ABCG8: variants seen among roughly 807,000 people sequenced by gnomAD.
ABCG8 encodes ATP binding cassette subfamily G member 8.
A neutral mutation model predicts 71.3 loss-of-function variants in ABCG8; 81 were observed. That is an observed-to-expected ratio of 1.14 (90% CI 0.95 to 1.37). The LOEUF is 1.37. Among genes scored for constraint, ABCG8 ranks in the 40% most tolerant of loss-of-function variants. The probability of loss-of-function intolerance (pLI) is 0.00; values close to 1 mark genes in which losing one functional copy is unlikely to be tolerated. For missense variants in ABCG8, 1,119 were observed against 866.2 expected (o/e 1.29, Z -3.66); for synonymous variants, 451 against 354.7 (o/e 1.27, Z -3.05).
rs145754381 is a variant in ABCG8, at chr2:43,875,307, G to A, written c.1650G>A (p.Ala550=). 6.3e-5 allele frequency: 102 copies of A among 1,614,126 alleles called. No homozygotes were observed. The highest frequency in any genetic ancestry group is 1.6e-4 in the Middle Eastern group (1 of 6,062). Residue 550 remains alanine (A), a synonymous_variant, in exon 11 of 13, where the codon GCG becomes GCA. Transcript: ENST00000272286. The stretch of plus-strand genomic sequence containing the variant: ...GCAGGATTATGGCCCTGGCCGCCGC[G>A]GCCCTGCTCCCCACCTTCCACATGG... ...FCCRIMALAA[A]ALLPTFHMAS... is the part of the protein sequence containing the mutation.
chr2:43,839,938 C>T (rs1368760782), intron 1 of ABCG8, among the ~76,000 whole-genome samples: 1 of 152,194 alleles, frequency 6.6e-6, no homozygotes, highest in Non-Finnish European at 1.5e-5. Flanking sequence ...GGAGTAGAAG[C>T]AGCCAGGTGG....
rs150652895 is a variant in ABCG8 at position 43,873,457 on chromosome 2, G to T, written c.1212-330G>T. ...TCCACCTGCCTCAGCCTCCCAAAAT[G>T]CTGGGATTACAAGCGTGAGCCACCA... On this transcript the variant is annotated intron_variant, in intron 8 of 12. Transcript: ENST00000272286. Among the ~76,000 whole-genome samples, 1,355 of 152,238 alleles carry T rather than the reference G, an allele frequency of 8.9e-3. 21 individuals carry two copies. Among genetic ancestry groups the T allele is most frequent in the African/African-American group, 0.031 (1,288 of 41,530 alleles).
In ABCG8 at chr2:43,844,604, A is replaced by G. The variant is rs4148211; in HGVS notation, c.161A>G (p.Tyr54Cys). The G allele has an allele frequency of 0.4, 647,654 of 1,609,778 alleles. 138,441 individuals are homozygous for G. Among genetic ancestry groups the G allele is most frequent in the East Asian group, 0.85 (38,147 of 44,806 alleles). Reference protein sequence around the residue: ...PNTLEVRDLNYQVDLASQVPW... With the variant: ...PNTLEVRDLNCQVDLASQVPW... The stretch of plus-strand genomic sequence containing the variant: ...ACCCTGGAGGTCAGAGACCTCAACT[A>G]CCAGGTAGAGGCACGCCTGGGTTCA... Residue 54 changes from tyrosine to cysteine, a missense_variant, in exon 2 of 13, where the codon TAC becomes TGC. Coordinates refer to ENST00000272286, the MANE Select transcript of ABCG8 (RefSeq NM_022437.3).
chr2:43,860,099 A>T (rs1295111639), intron 6 of ABCG8, among the ~76,000 whole-genome samples: 2 of 136,892 alleles, frequency 1.5e-5, no homozygotes, highest in African/African-American at 5.6e-5. Flanking sequence ...AACTCTGAGT[A>T]TCTGGATAGA....
intron 6 of ABCG8, among the ~76,000 whole-genome samples, chr2:43,869,408 T>C (rs1669672995): frequency 6.6e-6 from 1 of 152,166 alleles, no homozygotes; most frequent in Non-Finnish European, 1.5e-5. Flanking sequence ...TCTTACTGTC[T>C]ATCTGAATAG....
intron 6 of ABCG8, among the ~76,000 whole-genome samples, chr2:43,861,087 A>T (rs1276176644): frequency 6.6e-6 from 1 of 150,900 alleles, no homozygotes; most frequent in East Asian, 2.0e-4. Flanking sequence ...TATGGAAATA[A>T]CTCTCACCAT....
intron 6 of ABCG8, among the ~76,000 whole-genome samples, chr2:43,863,056 T>C (rs920914439): frequency 9.5e-5 from 14 of 147,622 alleles, no homozygotes; most frequent in African/African-American, 3.5e-4. Context: ...GGTAGAACTC[T>C]TACTATCTAT....
intron 6 of ABCG8, among the ~76,000 whole-genome samples, chr2:43,871,162 A>C (rs78865634): frequency 6.9e-6 from 1 of 145,612 alleles, no homozygotes; most frequent in Non-Finnish European, 1.5e-5. Context: ...AACTGTCACT[A>C]TCTATCTGGA....
intron 6 of ABCG8, among the ~76,000 whole-genome samples, chr2:43,861,443 C>A (rs555822760): frequency 6.9e-6 from 1 of 145,100 alleles, no homozygotes; most frequent in South Asian, 2.3e-4. Flanking sequence ...ACTATCAATG[C>A]GGATAGAATT....
At chr2:43,842,199 G>A (rs556305889) in intron 1 of ABCG8, among the ~76,000 whole-genome samples, 1 of 152,078 alleles carries the variant, frequency 6.6e-6, no homozygotes, top group Non-Finnish European at 1.5e-5. Flanking sequence ...TTTTAGTAGA[G>A]ACAGGGTTTC....
chr2:43,839,700 G>T (rs775681061), intron 1 of ABCG8, among the ~76,000 whole-genome samples: 9 of 152,008 alleles, frequency 5.9e-5, no homozygotes, highest in Non-Finnish European at 1.0e-4. Flanking sequence ...GGGATTACAG[G>T]CATGAGCCAC....
intron 6 of ABCG8, among the ~76,000 whole-genome samples, chr2:43,859,755 A>C (rs566416864): frequency 1.9e-4 from 29 of 150,556 alleles, no homozygotes; most frequent in Non-Finnish European, 4.2e-4. Flanking sequence ...CACTCTCACT[A>C]TATATCTGGA....
Position 43,879,646 on chromosome 2 carries a change from C to G in ABCG8, c.*1733C>G, listed in dbSNP as rs1400400684. On this transcript the variant is annotated 3_prime_UTR_variant, in exon 13 of 13. Transcript: ENST00000272286. ...TCCTCCATAGCAAGGGGATCTAGAC[C>G]AGAATCAAGCCTTGGATCTAGTTCT... is the stretch of plus-strand genomic sequence containing the variant. 6.6e-6 allele frequency: 1 copy of G among 152,196 alleles called. No individual in the cohort carries two copies. The highest frequency in any genetic ancestry group is 2.4e-5 in the African/African-American group (1 of 41,460). The allele number at this position is 152,196 out of a possible 1,614,324, so 9.4% of individuals were successfully genotyped here.
At chr2:43,861,750 G>A (rs1372912615) in intron 6 of ABCG8, among the ~76,000 whole-genome samples, 1 of 148,986 alleles carries the variant, frequency 6.7e-6, no homozygotes, top group Non-Finnish European at 1.5e-5. Context: ...TCCGGATAGT[G>A]GACATAATTC....
chr2:43,866,944 C>G (rs952504011), intron 6 of ABCG8, among the ~76,000 whole-genome samples: 30 of 151,230 alleles, frequency 2.0e-4, no homozygotes, highest in South Asian at 8.5e-4. Context: ...TTGGAACCAA[C>G]CCAAATGTCC....
rs1308590993 is a variant in ABCG8, at chr2:43,872,320, A to C, written c.1211+14A>C. ...GACGCTGATCCGGTAATTATCTGTC[A>C]TTTTATTACTGAACCCGCCCCCCTG... On this transcript the variant is annotated intron_variant, in intron 8 of 12. Transcript: ENST00000272286. The C allele has an allele frequency of 2.5e-6, 4 of 1,611,682 alleles. No individual in the cohort carries two copies. The highest frequency in any genetic ancestry group is 2.2e-5 in the South Asian group (2 of 90,722).
chr2:43,875,834 CA>C (rs1351016828), intron 11 of ABCG8, among the ~76,000 whole-genome samples: 1 of 152,044 alleles, frequency 6.6e-6, no homozygotes, highest in Non-Finnish European at 1.5e-5. Context: ...GTGAGCTTTC[CA>C]AGGTGCAAAC....
chr2:43,875,104 A>G (rs756948877), intron 10 of ABCG8, 42 bp from the exon 11 acceptor site: 51 of 1,613,812 alleles, frequency 3.2e-5, no homozygotes, highest in Non-Finnish European at 4.2e-5. Context: ...AATGGCAGTG[A>G]AGGTGCTGGC....
chr2:43,852,392 C>T lies in ABCG8; in HGVS notation c.600C>T (p.Cys200=), dbSNP rs770511598. The T allele has an allele frequency of 1.1e-5, 17 of 1,612,172 alleles. No homozygotes were observed. Among genetic ancestry groups the T allele is most frequent in the East Asian group, 8.9e-5 (4 of 44,882 alleles). The change falls in exon 5 of 13, where the codon TGC becomes TGT. Residue 200 remains cysteine (C), a synonymous_variant. Transcript: ENST00000272286. ...DVIAELRLRQ[C]ADTRVGNMYV... ...TCGCGGAGCTGCGGCTTAGGCAGTG[C>T]GCTGACACCCGCGTGGGCAACATGT...
Sources: gnomAD v4.1 joint callset for allele counts (sites outside exome capture counted in the v4.1 genomes callset) on GRCh38, gnomAD v4.1.1 for gene constraint, MANE v1.5 for transcripts, NCBI Gene and HGNC (gene_info 2026-07-23, HGNC 2026-07-21) for gene names.